The following SORD variants were observed in gnomAD, a reference collection of about 807,000 sequenced individuals.
SORD encodes the protein sorbitol dehydrogenase, also known as (R,R)-butanediol dehydrogenase.
A neutral mutation model predicts 35.6 loss-of-function variants in SORD; 18 were observed. The ratio of observed to expected loss-of-function variants is 0.51; its 90% CI spans 0.35 to 0.75. The LOEUF (loss-of-function observed/expected upper bound fraction) is 0.75, where lower values mean the gene tolerates loss of function less well. Ranked by LOEUF, SORD falls within the 30% of genes least tolerant of loss-of-function variation. The pLI, the probability that SORD is intolerant of heterozygous loss-of-function variation, is 0.01. For synonymous variants in SORD, 106 were observed against 152.9 expected (o/e 0.69, Z 2.26); for missense variants, 250 against 390.2 (o/e 0.64, Z 3.03).
intron 3 of SORD, among the ~76,000 whole-genome samples, chr15:45,051,229 C>A (rs538108634): frequency 2.0e-5 from 3 of 152,152 alleles, no homozygotes; most frequent in African/African-American, 7.2e-5. Flanking sequence ...TACACAATAA[C>A]CTTAATTATG....
chr15:45,070,973 G>T lies in SORD; in HGVS notation c.787-1344G>T, dbSNP rs898006495. Among the ~76,000 whole-genome samples, 12 of 152,338 alleles carry T rather than the reference G, an allele frequency of 7.9e-5. No homozygotes were observed. The South Asian group carries it at 1.7e-3, about 21-fold the overall frequency. On this transcript the variant is annotated intron_variant, in intron 7 of 8. Transcript: ENST00000267814. Reference sequence around the variant, plus strand: ...GAAGCAGTGTCTCTCCTGACGTCACGCATGACGGGTGCTGTAGAATGCTAT... The same window carrying T: ...GAAGCAGTGTCTCTCCTGACGTCACTCATGACGGGTGCTGTAGAATGCTAT...
In SORD at chr15:45,075,317, A is replaced by T. The variant is rs1460531265; in HGVS notation, c.*1787A>T. The T allele has an allele frequency of 7.5e-6, 1 of 134,156 alleles. No homozygotes were observed. Among genetic ancestry groups the T allele is most frequent in the Non-Finnish European group, 1.5e-5 (1 of 67,482 alleles). The allele number at this position is 134,156 out of a possible 1,614,324, so 8.3% of individuals were successfully genotyped here. A position where few individuals can be genotyped will look rare whatever the true frequency, so the allele number is the denominator to read the frequency against. On this transcript the variant is annotated 3_prime_UTR_variant, in exon 9 of 9. Transcript: ENST00000267814. ...AGATGCACTAAGCAGTCTTGGTGGA[A>T]ACATCTTCCTCACGCCCTGTGCCCC...
At position 45,023,320 on chromosome 15, in the gene SORD, G is replaced by C; in HGVS notation, c.37G>C (p.Val13Leu). 1 of 1,591,480 alleles carries C rather than the reference G, an allele frequency of 6.3e-7. No individual in the cohort carries two copies. The highest frequency in any genetic ancestry group is 8.5e-7 in the Non-Finnish European group (1 of 1,170,230). Residue 13 changes from valine (V) to leucine (L), a missense_variant, in exon 1 of 9, where the codon GTG (valine) becomes CTG (leucine). By Grantham distance (32) the Val-to-Leu change is conservative. Transcript: ENST00000267814. ...GGCCAAGCCCAACAACCTTTCCCTG[G>C]TGGTGCACGGACCGGGGGACTTGCG... ...AAAKPNNLSL[V>L]VHGPGDLRLE...
In SORD at chr15:45,075,454, C is replaced by T. The variant is rs1893575751; in HGVS notation, c.*1924C>T. The T allele has an allele frequency of 1.6e-5, 2 of 125,938 alleles. 1 individual carries two copies. Among genetic ancestry groups the T allele is most frequent in the African/African-American group, 9.6e-5 (2 of 20,912 alleles). The allele number at this position is 125,938 out of a possible 1,614,324, so 7.8% of individuals were successfully genotyped here. A position where few individuals can be genotyped will look rare whatever the true frequency, so the allele number is the denominator to read the frequency against. On this transcript the variant is annotated 3_prime_UTR_variant, in exon 9 of 9. Coordinates refer to ENST00000267814, the MANE Select transcript of SORD (RefSeq NM_003104.6). Reference sequence around the variant, plus strand: ...TCTACCAGAGAATGTCTGCTGGTGTCTTGGAGGCACTTCCTGCAGCCTATG... The same window carrying T: ...TCTACCAGAGAATGTCTGCTGGTGTTTTGGAGGCACTTCCTGCAGCCTATG...
intron 3 of SORD, among the ~76,000 whole-genome samples, chr15:45,058,162 G>A (rs1355873234): frequency 6.6e-6 from 1 of 152,210 alleles, no homozygotes; most frequent in African/African-American, 2.4e-5. Context: ...AGGAAAGACT[G>A]GAAGTCCTGG....
chr15:45,044,858 T>G (rs1893022586), intron 3 of SORD, among the ~76,000 whole-genome samples: 1 of 151,998 alleles, frequency 6.6e-6, no homozygotes, highest in South Asian at 2.1e-4. Context: ...GCACCATGCC[T>G]GGCTAATTTT....
Position 45,061,172 on chromosome 15 carries a change from C to G in SORD, c.371C>G (p.Pro124Arg). ...SPSIFFCATP[P>R]DDGNLCRFYK... ...TCCATCTTCTTCTGTGCCACGCCCC[C>G]CGATGACGGGAACCTCTGCCGGTTC... is the stretch of plus-strand genomic sequence containing the variant. Residue 124 changes from proline (P) to arginine (R), a missense_variant, in exon 4 of 9, where the codon CCC (proline) becomes CGC (arginine). Physicochemically the swap from Pro to Arg is moderately radical, Grantham distance 103. Around this residue, in one of 8 missense-constraint regions of SORD, gnomAD observed 126 missense variants for 148.7 expected, o/e 0.85. Coordinates refer to ENST00000267814, the MANE Select transcript of SORD (RefSeq NM_003104.6). 6.2e-7 allele frequency: 1 copy of G among 1,614,222 alleles called. No individual in the cohort carries two copies.
At chr15:45,042,269 A>C (rs1330995705) in intron 2 of SORD, 1 of 152,148 alleles carries the variant, frequency 6.6e-6, no homozygotes, top group African/African-American at 2.4e-5. Flanking sequence ...AGGCAGGCGG[A>C]TCTCCTGAGG....
At chr15:45,066,628 C>T (rs1038876610) in intron 5 of SORD, among the ~76,000 whole-genome samples, 2 of 152,212 alleles carry the variant, frequency 1.3e-5, no homozygotes, top group African/African-American at 4.8e-5. Context: ...CCATCTGGAA[C>T]AGGCCCTAGC....
chr15:45,026,910 G>A (rs2141261220), intron 1 of SORD, among the ~76,000 whole-genome samples: 1 of 152,292 alleles, frequency 6.6e-6, no homozygotes, highest in East Asian at 1.9e-4. Context: ...TGGCAGGAAG[G>A]AAACCTACCA....
At chr15:45,041,269 T>C (rs1375980375) in intron 2 of SORD, among the ~76,000 whole-genome samples, 2 of 152,120 alleles carry the variant, frequency 1.3e-5, no homozygotes, top group Non-Finnish European at 2.9e-5. Context: ...TGCTGACAGC[T>C]TTCTAATCCC....
chr15:45,072,577 T>C, intron 8 of SORD, 139 bp downstream of exon 8: 1 of 542,666 alleles, frequency 1.8e-6, no homozygotes, highest in Non-Finnish European at 3.3e-6. Context: ...CTGTGTGATA[T>C]AACAGGGATC....
intron 6 of SORD, among the ~76,000 whole-genome samples, 171 bp downstream of exon 6, chr15:45,068,417 C>A (rs1893442978): frequency 3.3e-5 from 5 of 151,284 alleles, no homozygotes; most frequent in Admixed American, 1.3e-4. Context: ...TTAGGAGAAG[C>A]TATCAGAGAG....
intron 2 of SORD, among the ~76,000 whole-genome samples, chr15:45,041,260 G>A (rs1022817195): frequency 1.3e-5 from 2 of 152,100 alleles, no homozygotes; most frequent in Admixed American, 6.5e-5. Flanking sequence ...GCAGATCCCT[G>A]CTGACAGCTT....
chr15:45,055,816 G>C (rs895703626), intron 3 of SORD, among the ~76,000 whole-genome samples: 25 of 152,104 alleles, frequency 1.6e-4, no homozygotes, highest in Admixed American at 5.2e-4. Flanking sequence ...TCATCCCTGG[G>C]ATGCAAGGCT....
chr15:45,030,854 T>G (rs1892769139), intron 1 of SORD, among the ~76,000 whole-genome samples: 2 of 152,236 alleles, frequency 1.3e-5, no homozygotes, highest in Non-Finnish European at 2.9e-5. Context: ...AGGTGATGCC[T>G]GAGCACCAGT....
At chr15:45,069,590 C>T (rs578151625) in intron 7 of SORD, among the ~76,000 whole-genome samples, 223 of 152,136 alleles carry the variant, frequency 1.5e-3, no homozygotes, top group African/African-American at 4.5e-3. Context: ...CAGCTATACA[C>T]GGGCCTTGAA....
chr15:45,031,360 C>T (rs1489457661), intron 1 of SORD, among the ~76,000 whole-genome samples: 5 of 149,810 alleles, frequency 3.3e-5, no homozygotes, highest in African/African-American at 1.0e-4. Flanking sequence ...TGAACCGTGG[C>T]AAGTAGCTCC....
At position 45,074,479 on chromosome 15, in the gene SORD, A is replaced by G. The variant is rs1311774999; in HGVS notation, c.*949A>G. On this transcript the variant is annotated 3_prime_UTR_variant, in exon 9 of 9. Transcript: ENST00000267814. ...CAATTGATGGTTATTAGACAATTCCATTTCTTTCTGGTTATTATAAACAGA... is the reference window on the plus strand; with the variant it reads ...CAATTGATGGTTATTAGACAATTCCGTTTCTTTCTGGTTATTATAAACAGA... The G allele has an allele frequency of 6.7e-6, 1 of 148,828 alleles. No individual in the cohort carries two copies. The highest frequency in any genetic ancestry group is 2.1e-4 in the South Asian group (1 of 4,760). 9.2% of individuals were successfully genotyped at this position (148,828 alleles called of 1,614,324 possible).
Sources: gnomAD v4.1 joint callset for allele counts (sites outside exome capture counted in the v4.1 genomes callset) on GRCh38, gnomAD v4.1.1 for gene constraint, gnomAD v4.1.1 regional missense constraint, MANE v1.5 for transcripts, NCBI Gene and HGNC (gene_info 2026-07-23, HGNC 2026-07-21) for gene names.